The following TMEM255B variants were observed in gnomAD, a reference collection of about 807,000 sequenced individuals.
TMEM255B encodes transmembrane protein 255B.
In TMEM255B, 35 loss-of-function variants were observed where a neutral mutation model predicts 34.5. The observed-to-expected ratio is 1.01, with a 90% confidence interval of 0.77 to 1.34. The LOEUF is 1.34. TMEM255B is among the 40% of genes most tolerant of loss of function. TMEM255B has a pLI of 0.00. For synonymous variants in TMEM255B, 206 were observed against 201.2 expected (o/e 1.02, Z -0.20); for missense variants, 432 against 433.2 (o/e 1.00, Z 0.02).
rs1417561587 is a variant in TMEM255B at position 113,813,793 on chromosome 13, C to T, written c.*1890C>T. 1 of 152,240 alleles carries T rather than the reference C, an allele frequency of 6.6e-6. No homozygotes were observed. The highest frequency in any genetic ancestry group is 2.4e-5 in the African/African-American group (1 of 41,464). The allele number at this position is 152,240 out of a possible 1,614,324, so 9.4% of individuals were successfully genotyped here. On this transcript the variant is annotated 3_prime_UTR_variant, in exon 9 of 9. Transcript: ENST00000375353. The stretch of plus-strand genomic sequence containing the variant: ...ATTTTTATCTTATAAAATCCAGCCT[C>T]ACAAGCTTGCTGTCCAGGAGAATGT...
intron 3 of TMEM255B, among the ~76,000 whole-genome samples, chr13:113,777,265 CCTCTATCTCTCTGTCTCTGTCTCCCT>C (rs914762115): frequency 2.2e-4 from 34 of 152,146 alleles, no homozygotes; most frequent in Middle Eastern, 3.4e-3. Flanking sequence ...GTCTCCCTCT[CCTCTATCTCTCTGTCTCTGTCTCCCT>C]CTCTATCTCT....
At chr13:113,802,335 A>G (rs1258277816) in intron 7 of TMEM255B, among the ~76,000 whole-genome samples, 1 of 152,110 alleles carries the variant, frequency 6.6e-6, no homozygotes, top group Non-Finnish European at 1.5e-5. Context: ...CCCGGGCCGG[A>G]TGTCCTCTCT....
intron 3 of TMEM255B, among the ~76,000 whole-genome samples, chr13:113,782,364 A>T (rs987348697): frequency 6.6e-6 from 1 of 152,260 alleles, no homozygotes; most frequent in Non-Finnish European, 1.5e-5. Flanking sequence ...ATAACTTTAG[A>T]TTCCAAATGA....
chr13:113,803,378 A>G (rs2051101641), intron 7 of TMEM255B: 2 of 148,194 alleles, frequency 1.3e-5, no homozygotes, highest in Non-Finnish European at 3.0e-5. Flanking sequence ...TTAAGGAATG[A>G]AGATGCTTCC....
Position 113,769,691 on chromosome 13 carries a change from CGTGGCTGT to C in TMEM255B, c.252+532_252+539del, listed in dbSNP as rs2050446911. ...CCAGACACTGCCTGTCCATGATGTT[CGTGGCTGT>C]ATGCGCGGCAACAGCGATCAGGTTC... On this transcript the variant is annotated intron_variant, in intron 3 of 8. Transcript: ENST00000375353. The surrounding 1 kb of genome is among the most constrained non-coding windows in gnomAD (Gnocchi z 4.2). 1.3e-5 allele frequency: 2 copies of C among 149,948 alleles called. No individual in the cohort carries two copies. The highest frequency in any genetic ancestry group is 6.1e-5 in the Admixed American group (1 of 16,432). The allele number at this position is 149,948 out of a possible 1,614,324, so 9.3% of individuals were successfully genotyped here.
intron 3 of TMEM255B, among the ~76,000 whole-genome samples, chr13:113,786,444 T>C (rs1001553948): frequency 6.6e-6 from 1 of 151,822 alleles, no homozygotes; most frequent in African/African-American, 2.4e-5. Flanking sequence ...ATCATCACTG[T>C]TGTCATCACC....
intron 5 of TMEM255B, among the ~76,000 whole-genome samples, chr13:113,800,272 C>CTG (rs1260363422): frequency 3.7e-5 from 4 of 108,658 alleles, no homozygotes; most frequent in South Asian, 3.0e-4. Flanking sequence ...TGGAGGTGTC[C>CTG]TGTGTGTGTG....
intron 1 of TMEM255B, among the ~76,000 whole-genome samples, chr13:113,759,538 G>GTCTCTC (rs1010114203): frequency 6.9e-6 from 1 of 145,812 alleles, no homozygotes; most frequent in Non-Finnish European, 1.5e-5. Flanking sequence ...CTCTCTCCCT[G>GTCTCTC]TCTCTCTCTC....
intron 1 of TMEM255B, among the ~76,000 whole-genome samples, chr13:113,760,934 C>G (rs2050297440): frequency 7.1e-6 from 1 of 141,360 alleles, no homozygotes; most frequent in South Asian, 2.3e-4. Flanking sequence ...TTTGGTGTGT[C>G]TGGAGGTAGA....
chr13:113,805,103 C>G lies in TMEM255B; in HGVS notation c.813+75C>G, dbSNP rs977139412. 2.1e-6 allele frequency: 3 copies of G among 1,418,544 alleles called. No homozygotes were observed. In the South Asian group the frequency reaches 4.4e-5, roughly 21 times the overall value. The allele number at this position is 1,418,544 out of a possible 1,614,324, so 87.9% of individuals were successfully genotyped here. ...GGGATGGACAGGATGGGGCTGGGGT[C>G]GGAGGGGATGAGGTCTTGCAGCCGC... On this transcript the variant is annotated intron_variant, in intron 8 of 8. Coordinates refer to ENST00000375353, the MANE Select transcript of TMEM255B (RefSeq NM_182614.4).
intron 4 of TMEM255B, 39 bp from the exon 5 acceptor site, chr13:113,799,300 C>T (rs1043701533): frequency 1.2e-6 from 2 of 1,605,392 alleles, no homozygotes; most frequent in African/African-American, 1.3e-5. Context: ...CGCCTGGAGG[C>T]ACCTGTTTTA....
Position 113,788,884 on chromosome 13 carries a change from G to T in TMEM255B, c.253-6264G>T, listed in dbSNP as rs531301864. Among the ~76,000 whole-genome samples the T allele has an allele frequency of 1.1e-3, 160 of 151,864 alleles. 1 individual carries two copies. Among genetic ancestry groups the T allele is most frequent in the African/African-American group, 3.8e-3 (157 of 41,432 alleles). On this transcript the variant is annotated intron_variant, in intron 3 of 8. Transcript: ENST00000375353. ...CCACTGCACCCGGGGGCCGCGCCGC[G>T]CCTCCCTCCCTCCCTCCTGCCCCAC...
At chr13:113,765,778 C>T (rs765591241) in intron 1 of TMEM255B, among the ~76,000 whole-genome samples, 1 of 152,152 alleles carries the variant, frequency 6.6e-6, no homozygotes, top group Non-Finnish European at 1.5e-5. Flanking sequence ...AAAAGATGCT[C>T]CTGTCCTCCT....
intron 3 of TMEM255B, among the ~76,000 whole-genome samples, chr13:113,778,340 T>C (rs924219823): frequency 6.6e-6 from 1 of 152,260 alleles, no homozygotes; most frequent in African/African-American, 2.4e-5. Flanking sequence ...TATCAGCTGC[T>C]GTAACGATGT....
rs975667584 is a variant in TMEM255B, at chr13:113,759,226, G to C, written c.-44G>C. ...CGCCGCGAGGGCGGCTCCTGGCGGCGGGACTGTGGCTGTGGCCCCGGGAGA... is the reference window on the plus strand; with the variant it reads ...CGCCGCGAGGGCGGCTCCTGGCGGCCGGACTGTGGCTGTGGCCCCGGGAGA... On this transcript the variant is annotated 5_prime_UTR_variant, in exon 1 of 9. Transcript: ENST00000375353. 2.1e-4 allele frequency: 252 copies of C among 1,225,992 alleles called. No individual in the cohort carries two copies. The African/African-American group carries it at 2.9e-3, about 14-fold the overall frequency. The allele number at this position is 1,225,992 out of a possible 1,614,324, so 75.9% of individuals were successfully genotyped here. A position where few individuals can be genotyped will look rare whatever the true frequency, so the allele number is the denominator to read the frequency against.
intron 1 of TMEM255B, among the ~76,000 whole-genome samples, chr13:113,764,177 A>C (rs1281786816): frequency 6.6e-6 from 1 of 152,162 alleles, no homozygotes; most frequent in Non-Finnish European, 1.5e-5. Context: ...CTGGGGGAGC[A>C]TGACTTTAAC....
Position 113,786,554 on chromosome 13 carries a change from A to G in TMEM255B, c.253-8594A>G, listed in dbSNP as rs1382716582. Among the ~76,000 whole-genome samples the G allele has an allele frequency of 2.6e-5, 4 of 151,496 alleles. No individual in the cohort carries two copies. In the South Asian group the frequency reaches 8.4e-4, roughly 32 times the overall value. On this transcript the variant is annotated intron_variant, in intron 3 of 8. Coordinates refer to ENST00000375353, the MANE Select transcript of TMEM255B (RefSeq NM_182614.4). Reference sequence around the variant, plus strand: ...TGTCATCACCATTGTCACCATCGTCAACATCATCACCGTCATCACCATCAT... The same window carrying G: ...TGTCATCACCATTGTCACCATCGTCGACATCATCACCGTCATCACCATCAT...
At chr13:113,799,848 G>A (rs900053950) in intron 5 of TMEM255B, 8 of 708,864 alleles carry the variant, frequency 1.1e-5, no homozygotes, top group African/African-American at 1.8e-5. Flanking sequence ...AATGACCCGC[G>A]GGCGGCCGCC....
intron 7 of TMEM255B, among the ~76,000 whole-genome samples, chr13:113,804,462 T>C (rs1030826572): frequency 1.3e-5 from 2 of 151,714 alleles, no homozygotes; most frequent in African/African-American, 4.8e-5. Context: ...CCCCAAAAAA[T>C]CAAAAAAGTA....
Sources: gnomAD v4.1 joint callset for allele counts (sites outside exome capture counted in the v4.1 genomes callset) on GRCh38, gnomAD v4.1.1 for gene constraint, Gnocchi (gnomAD v3.1) non-coding constraint, MANE v1.5 for transcripts, NCBI Gene and HGNC (gene_info 2026-07-23, HGNC 2026-07-21) for gene names.